CELF6: variants seen among roughly 807,000 people sequenced by gnomAD.
CELF6 encodes Bruno -like 6, RNA binding protein.
CELF6 carries 32 observed loss-of-function variants against 53.1 expected under a neutral mutation model. The ratio of observed to expected loss-of-function variants is 0.60; its 90% CI spans 0.46 to 0.81. The LOEUF (loss-of-function observed/expected upper bound fraction) is 0.81, where lower values mean the gene tolerates loss of function less well. Among genes scored for constraint, CELF6 ranks in the 30% least tolerant of loss-of-function variants. CELF6 has a pLI of 0.00. For synonymous variants in CELF6, 291 were observed against 288.8 expected, an observed-to-expected ratio of 1.01 and a Z score of -0.08; for missense variants, 539 against 669.5, an observed-to-expected ratio of 0.81 and a Z score of 2.15.
intron 2 of CELF6, among the ~76,000 whole-genome samples, chr15:72,305,058 C>T (rs995408093): frequency 6.6e-6 from 1 of 152,182 alleles, no homozygotes; most frequent in Non-Finnish European, 1.5e-5. Context: ...AGAGACTTTT[C>T]TGCCTGGGGC....
intron 3 of CELF6, among the ~76,000 whole-genome samples, chr15:72,291,628 G>A (rs140169732): frequency 3.3e-5 from 5 of 152,190 alleles, no homozygotes; most frequent in Non-Finnish European, 5.9e-5. Context: ...AAAACTGAAC[G>A]AAGTTAGCAG....
In CELF6 at chr15:72,288,414, A is replaced by T. The variant is rs775278294; in HGVS notation, c.1212T>A (p.Pro404=). The change falls in exon 11 of 13, where the codon CCT becomes CCA. Residue 404 remains proline (P), a synonymous_variant. Coordinates refer to ENST00000287202, the MANE Select transcript of CELF6 (RefSeq NM_052840.5). This position sits in a 1 kb window ranked among gnomAD's most constrained non-coding sequence, Gnocchi z 4.6. ...TGAGTTCCGCATCACCAAACTCCTG[A>T]GGCAGGTGATAGATGAAGAGGTTAC... ...EGCNLFIYHL[P]QEFGDAELIQ... is the part of the protein sequence containing the mutation. The T allele has an allele frequency of 1.1e-5, 18 of 1,614,082 alleles. No homozygotes were observed. The Admixed American group carries it at 2.7e-4, about 24-fold the overall frequency.
chr15:72,313,642 G>T, intron 2 of CELF6: 2 of 399,614 alleles, frequency 5.0e-6, no homozygotes, highest in Non-Finnish European at 6.8e-6. Flanking sequence ...CCCCCACAGT[G>T]CCAGCCGCAT....
At position 72,288,759 on chromosome 15, in the gene CELF6, G is replaced by T. The variant is rs2087956400; in HGVS notation, c.1093+109C>A. 7.5e-7 allele frequency: 1 copy of T among 1,340,372 alleles called. No homozygotes were observed. The highest frequency in any genetic ancestry group is 1.4e-5 in the African/African-American group (1 of 69,140). 83.0% of individuals were successfully genotyped at this position (1,340,372 alleles called of 1,614,324 possible). ...AGAGAGGTCGTTCTGGGGGTAGGAG[G>T]GGATGGGAGGATCAACTCCTTGGAA... is the stretch of plus-strand genomic sequence containing the variant. On this transcript the variant is annotated intron_variant, in intron 9 of 12. Coordinates refer to ENST00000287202, the MANE Select transcript of CELF6 (RefSeq NM_052840.5). This position sits in a 1 kb window ranked among gnomAD's most constrained non-coding sequence, Gnocchi z 4.6.
chr15:72,289,775 G>A lies in CELF6; in HGVS notation c.604-5C>T, dbSNP rs2087979638. 6.9e-6 allele frequency: 10 copies of A among 1,452,198 alleles called. No homozygotes were observed. In the South Asian group the frequency reaches 9.9e-5, roughly 14 times the overall value. 90.0% of individuals were successfully genotyped at this position (1,452,198 alleles called of 1,614,324 possible). A position where few individuals can be genotyped will look rare whatever the true frequency, so the allele number is the denominator to read the frequency against. On this transcript the variant is annotated splice_region_variant and splice_polypyrimidine_tract_variant and intron_variant, in intron 5 of 12. Transcript: ENST00000287202. This position sits in a 1 kb window ranked among gnomAD's most constrained non-coding sequence, Gnocchi z 7.6. ...CACGAGGCTGGACGAGGCGCCCTGG[G>A]CAGGGCAGGGGAGGCCGTGGTGACC...
intron 3 of CELF6, chr15:72,292,353 A>G: frequency 2.3e-6 from 2 of 878,826 alleles, no homozygotes; most frequent in Non-Finnish European, 3.5e-6. Context: ...ATTTGGCCAG[A>G]GAATCAAACC....
intron 3 of CELF6, among the ~76,000 whole-genome samples, chr15:72,293,261 G>T (rs2088030214): frequency 1.3e-5 from 2 of 152,182 alleles, no homozygotes; most frequent in South Asian, 4.1e-4. Context: ...AGGTGACCCA[G>T]AAATGGTGGG....
chr15:72,315,704 G>A, intron 2 of CELF6, 141 bp downstream of exon 2: 1 of 551,746 alleles, frequency 1.8e-6, no homozygotes. Flanking sequence ...GCTGTTCAGG[G>A]TACAGGAAGC....
At position 72,285,996 on chromosome 15, in the gene CELF6, T is replaced by C. The variant is rs1037196505; in HGVS notation, c.*375A>G. 5 of 152,618 alleles carry C rather than the reference T, an allele frequency of 3.3e-5. No homozygotes were observed. The highest frequency in any genetic ancestry group is 1.2e-4 in the African/African-American group (5 of 41,450). 9.5% of individuals were successfully genotyped at this position (152,618 alleles called of 1,614,324 possible). On this transcript the variant is annotated 3_prime_UTR_variant, in exon 13 of 13. Coordinates refer to ENST00000287202, the MANE Select transcript of CELF6 (RefSeq NM_052840.5). Reference sequence around the variant, plus strand: ...CTTTGTTTTAATTTATATAGATATATATATTCTTAAAAAAGCAATAGTCCT... The same window carrying C: ...CTTTGTTTTAATTTATATAGATATACATATTCTTAAAAAAGCAATAGTCCT...
At position 72,288,765 on chromosome 15, in the gene CELF6, G is replaced by T; in HGVS notation, c.1093+103C>A. 1 of 1,355,470 alleles carries T rather than the reference G, an allele frequency of 7.4e-7. No individual in the cohort carries two copies. The highest frequency in any genetic ancestry group is 1.0e-6 in the Non-Finnish European group (1 of 967,568). 84.0% of individuals were successfully genotyped at this position (1,355,470 alleles called of 1,614,324 possible). Reference sequence around the variant, plus strand: ...GTCGTTCTGGGGGTAGGAGGGGATGGGAGGATCAACTCCTTGGAACAGAGC... The same window carrying T: ...GTCGTTCTGGGGGTAGGAGGGGATGTGAGGATCAACTCCTTGGAACAGAGC... On this transcript the variant is annotated intron_variant, in intron 9 of 12. Coordinates refer to ENST00000287202, the MANE Select transcript of CELF6 (RefSeq NM_052840.5). The surrounding 1 kb of genome is among the most constrained non-coding windows in gnomAD (Gnocchi z 4.6).
Position 72,319,695 on chromosome 15 carries a change from C to T in CELF6, c.180G>A (p.Gln60=), listed in dbSNP as rs910990475. 3 of 1,592,752 alleles carry T rather than the reference C, an allele frequency of 1.9e-6. No homozygotes were observed. Among genetic ancestry groups the T allele is most frequent in the Non-Finnish European group, 2.6e-6 (3 of 1,169,744 alleles). Residue 60 remains glutamine (Q), a synonymous_variant, in exon 1 of 13, where the codon CAG becomes CAA. Transcript: ENST00000287202. This position sits in a 1 kb window ranked among gnomAD's most constrained non-coding sequence, Gnocchi z 5.0. The part of the protein sequence containing the change: ...VGQIPRGLDE[Q]DLKPLFEEFG... ...ACTCCTCGAACAGCGGCTTGAGGTC[C>T]TGCTCGTCCAAGCCCCGCGGGATCT...
Position 72,289,305 on chromosome 15 carries a change from C to T in CELF6, c.881-18G>A, listed in dbSNP as rs762599082. On this transcript the variant is annotated intron_variant, in intron 7 of 12. Coordinates refer to ENST00000287202, the MANE Select transcript of CELF6 (RefSeq NM_052840.5). The surrounding 1 kb of genome is among the most constrained non-coding windows in gnomAD (Gnocchi z 7.6). ...GTTGGCTGCTGATGGCGGAAAAGGT[C>T]TGAGAGTCAGGCCGCCACCCCGCCC... The T allele has an allele frequency of 3.2e-6, 5 of 1,554,898 alleles. No homozygotes were observed. The South Asian group carries it at 5.8e-5, about 18-fold the overall frequency.
rs2087915857 is a variant in CELF6, at chr15:72,285,967, G to C, written c.*404C>G. 6.6e-6 allele frequency: 1 copy of C among 152,366 alleles called. No homozygotes were observed. The highest frequency in any genetic ancestry group is 6.6e-5 in the Admixed American group (1 of 15,262). 9.4% of individuals were successfully genotyped at this position (152,366 alleles called of 1,614,324 possible). A position where few individuals can be genotyped will look rare whatever the true frequency, so the allele number is the denominator to read the frequency against. On this transcript the variant is annotated 3_prime_UTR_variant, in exon 13 of 13. Transcript: ENST00000287202. ...TGTTTGTCTTGTTTTTTGTTTGTTT[G>C]TTTCTTTGTTTTAATTTATATAGAT...
At chr15:72,316,000 G>A in intron 1 of CELF6, 73 bp from the exon 2 acceptor site, 1 of 1,028,614 alleles carries the variant, frequency 9.7e-7, no homozygotes, top group South Asian at 1.4e-5. Context: ...ACCCCACTAA[G>A]TTGACAAACT....
intron 3 of CELF6, among the ~76,000 whole-genome samples, chr15:72,303,670 A>G (rs777773079): frequency 4.6e-5 from 7 of 152,198 alleles, no homozygotes; most frequent in African/African-American, 1.2e-4. Context: ...TACCCAAGAT[A>G]AAGAGTCAGC....
intron 3 of CELF6, among the ~76,000 whole-genome samples, chr15:72,297,127 C>T (rs766739494): frequency 6.6e-6 from 1 of 152,156 alleles, no homozygotes; most frequent in Non-Finnish European, 1.5e-5. Context: ...GCCTACTTAT[C>T]ACTTTTTTAT....
At chr15:72,311,837 G>A (rs900813092) in intron 2 of CELF6, among the ~76,000 whole-genome samples, 1 of 152,218 alleles carries the variant, frequency 6.6e-6, no homozygotes, top group African/African-American at 2.4e-5. Flanking sequence ...GAGAAAAAAT[G>A]TGCCCTTTCC....
intron 3 of CELF6, among the ~76,000 whole-genome samples, chr15:72,303,028 G>T (rs1266895326): frequency 1.3e-5 from 2 of 152,204 alleles, no homozygotes; most frequent in Admixed American, 1.3e-4. Flanking sequence ...TACCAGGTCT[G>T]CTTTGCTCAC....
chr15:72,285,654 CT>C lies in CELF6; in HGVS notation c.*716del, dbSNP rs1441064861. ...GCAAAGGCCAGGGCCAACCTGAGCT[CT>C]GCCTGGGGCCTCTTCTGGGATGCAC... is the stretch of plus-strand genomic sequence containing the variant. On this transcript the variant is annotated 3_prime_UTR_variant, in exon 13 of 13. Coordinates refer to ENST00000287202, the MANE Select transcript of CELF6 (RefSeq NM_052840.5). 6.6e-6 allele frequency: 1 copy of C among 152,358 alleles called. No homozygotes were observed. The highest frequency in any genetic ancestry group is 1.5e-5 in the Non-Finnish European group (1 of 68,090). 9.4% of individuals were successfully genotyped at this position (152,358 alleles called of 1,614,324 possible).
Sources: gnomAD v4.1 joint callset for allele counts (sites outside exome capture counted in the v4.1 genomes callset) on GRCh38, gnomAD v4.1.1 for gene constraint, Gnocchi (gnomAD v3.1) non-coding constraint, MANE v1.5 for transcripts, NCBI Gene and HGNC (gene_info 2026-07-23, HGNC 2026-07-21) for gene names.